Variants in ITSN1 observed in about 807,000 individuals in gnomAD.
ITSN1 encodes the protein intersectin-1.
Under a neutral mutation model 239.8 loss-of-function variants are expected in ITSN1, and 58 were observed. That is an observed-to-expected ratio of 0.24 (90% CI 0.20 to 0.30). ITSN1 has a LOEUF of 0.30. Ranked by LOEUF, ITSN1 falls within the 10% of genes least tolerant of loss-of-function variation. The pLI is 1.00. For synonymous variants in ITSN1, 780 were observed against 770.8 expected (o/e 1.01, Z -0.20); for missense variants, 1,558 against 2,103.3 (o/e 0.74, Z 5.07).
At chr21:33,844,988 G>C (rs892380566) in intron 29 of ITSN1, among the ~76,000 whole-genome samples, 1 of 151,996 alleles carries the variant, frequency 6.6e-6, no homozygotes, top group African/African-American at 2.4e-5. Context: ...AGCCCAGGAG[G>C]GACCCAGTCT....
chr21:33,706,866 G>C (rs2092267800), intron 1 of ITSN1, among the ~76,000 whole-genome samples: 1 of 152,066 alleles, frequency 6.6e-6, no homozygotes, highest in Non-Finnish European at 1.5e-5. Context: ...AAGGTTACAG[G>C]CGTGCGCTAT....
At chr21:33,778,966 ACT>A (rs1416867505) in intron 14 of ITSN1, among the ~76,000 whole-genome samples, 2 of 150,918 alleles carry the variant, frequency 1.3e-5, no homozygotes, top group African/African-American at 4.9e-5. Context: ...GTGTCCTCTC[ACT>A]CTGTCTCCGT....
chr21:33,746,083 C>G (rs933945712), intron 5 of ITSN1, among the ~76,000 whole-genome samples: 1 of 152,080 alleles, frequency 6.6e-6, no homozygotes, highest in Non-Finnish European at 1.5e-5. Flanking sequence ...AGGTGCAATC[C>G]GTAAAAAGCC....
chr21:33,847,500 G>T (rs1480824178), intron 29 of ITSN1, among the ~76,000 whole-genome samples: 2 of 152,230 alleles, frequency 1.3e-5, no homozygotes, highest in Non-Finnish European at 2.9e-5. Context: ...TCTTGATAGG[G>T]AAGGTCACCG....
intron 1 of ITSN1, among the ~76,000 whole-genome samples, chr21:33,717,133 A>T (rs1416593180): frequency 1.3e-5 from 2 of 151,514 alleles, no homozygotes; most frequent in Admixed American, 6.6e-5. Flanking sequence ...CAAGAGACTC[A>T]TTTTTTTTAA....
At chr21:33,832,520 C>T (rs968736030) in intron 27 of ITSN1, among the ~76,000 whole-genome samples, 1 of 152,168 alleles carries the variant, frequency 6.6e-6, no homozygotes, top group Non-Finnish European at 1.5e-5. Flanking sequence ...CCCAGGAGAG[C>T]TCCTGGCGCT....
chr21:33,859,663 A>C (rs1289451663), intron 31 of ITSN1, among the ~76,000 whole-genome samples: 1 of 152,110 alleles, frequency 6.6e-6, no homozygotes, highest in African/African-American at 2.4e-5. Context: ...CCCATTTCCT[A>C]AATGTGGTCT....
At chr21:33,849,947 C>T (rs1311899290) in intron 29 of ITSN1, among the ~76,000 whole-genome samples, 1 of 152,098 alleles carries the variant, frequency 6.6e-6, no homozygotes, top group Non-Finnish European at 1.5e-5. Flanking sequence ...GGAGAGGGCA[C>T]AGTGAGAGCA....
intron 34 of ITSN1, among the ~76,000 whole-genome samples, chr21:33,876,183 T>G (rs570508700): frequency 7.0e-6 from 1 of 142,622 alleles, no homozygotes; most frequent in East Asian, 2.1e-4. Context: ...CTTTCCTTCC[T>G]TCCTTCTCTC....
intron 1 of ITSN1, among the ~76,000 whole-genome samples, chr21:33,682,886 T>C (rs765628708): frequency 2.6e-5 from 4 of 152,210 alleles, no homozygotes; most frequent in African/African-American, 7.2e-5. Context: ...TTTGTACTTT[T>C]AGTAGTATCT....
chr21:33,686,269 G>A lies in ITSN1; in HGVS notation c.-32-32528G>A, dbSNP rs975979689. On this transcript the variant is annotated intron_variant, in intron 1 of 39. Coordinates refer to ENST00000381318, the MANE Select transcript of ITSN1 (RefSeq NM_003024.3). ...TTTTTTAATTTCCAAATGTATTTAA[G>A]CTTCTTTACAGATAGGTGCCATATC... Among the ~76,000 whole-genome samples, 4 of 151,800 alleles carry A rather than the reference G, an allele frequency of 2.6e-5. No individual in the cohort carries two copies. The East Asian group carries it at 7.7e-4, about 29-fold the overall frequency.
rs1241234097 is a variant in ITSN1, at chr21:33,882,840, A to G, written c.4554+385A>G. Among the ~76,000 whole-genome samples the G allele has an allele frequency of 1.3e-5, 2 of 152,140 alleles. No homozygotes were observed. Among genetic ancestry groups the G allele is most frequent in the Non-Finnish European group, 1.5e-5 (1 of 68,026 alleles). On this transcript the variant is annotated intron_variant, in intron 35 of 39. Transcript: ENST00000381318. The surrounding 1 kb of genome is among the most constrained non-coding windows in gnomAD (Gnocchi z 4.5). ...CAAACAGTCCTAAGTCCCCTGCCAG[A>G]CTTCTCCAGGTAGCTTGAAACATCC... is the stretch of plus-strand genomic sequence containing the variant.
chr21:33,721,226 A>T lies in ITSN1; in HGVS notation c.77A>T (p.Asp26Val). Residue 26 changes from aspartate (D) to valine (V), a missense_variant, in exon 3 of 40, where the codon GAT becomes GTT. Asp to Val is a radical substitution (Grantham distance 152). Around this residue, in one of 2 missense-constraint regions of ITSN1, gnomAD observed 982 missense variants for 1,209.9 expected, o/e 0.81. Transcript: ENST00000381318. The stretch of plus-strand genomic sequence containing the variant: ...ACTGTAGAGGAAAGAGCGAAGCATG[A>T]TCAGCAGTTCCATAGTTTAAAGCCA... ...AITVEERAKH[D>V]QQFHSLKPIS... 6.2e-7 allele frequency: 1 copy of T among 1,613,664 alleles called. No individual in the cohort carries two copies. Among genetic ancestry groups the T allele is most frequent in the South Asian group, 1.1e-5 (1 of 91,070 alleles).
intron 33 of ITSN1, among the ~76,000 whole-genome samples, chr21:33,870,558 G>T (rs1235591211): frequency 6.6e-6 from 1 of 152,186 alleles, no homozygotes; most frequent in African/African-American, 2.4e-5. Flanking sequence ...CTGATGTGGA[G>T]AAATTCTTAG....
At position 33,797,485 on chromosome 21, in the gene ITSN1, A is replaced by G. The variant is rs762540696; in HGVS notation, c.2059A>G (p.Ser687Gly). ...HEEEKLKREE[S>G]VKKKDGEEKG... Reference sequence around the variant, plus strand: ...AGAGGAAAAACTGAAAAGGGAGGAGAGTGTCAAAAAGAAGGATGGCGAGGA... The same window carrying G: ...AGAGGAAAAACTGAAAAGGGAGGAGGGTGTCAAAAAGAAGGATGGCGAGGA... Residue 687 changes from serine (S) to glycine (G), a missense_variant, in exon 18 of 40, where the codon AGT (serine) becomes GGT (glycine). Transcript: ENST00000381318. The surrounding 1 kb of genome is among the most constrained non-coding windows in gnomAD (Gnocchi z 4.9). The G allele has an allele frequency of 2.5e-6, 4 of 1,614,140 alleles. No homozygotes were observed. Among genetic ancestry groups the G allele is most frequent in the Non-Finnish European group, 3.4e-6 (4 of 1,180,038 alleles).
intron 1 of ITSN1, among the ~76,000 whole-genome samples, chr21:33,711,761 T>C (rs2092425229): frequency 6.6e-6 from 1 of 152,042 alleles, no homozygotes; most frequent in Non-Finnish European, 1.5e-5. Flanking sequence ...TAATATTTTA[T>C]CACTTCACAT....
chr21:33,759,786 TA>T (rs1481278661), intron 8 of ITSN1, among the ~76,000 whole-genome samples: 1 of 152,162 alleles, frequency 6.6e-6, no homozygotes, highest in Non-Finnish European at 1.5e-5. Flanking sequence ...AATTGAAGAC[TA>T]ACTGAATGCC....
intron 34 of ITSN1, among the ~76,000 whole-genome samples, chr21:33,876,118 T>TTTCC (rs1983749257): frequency 6.2e-5 from 1 of 16,122 alleles, no homozygotes; most frequent in South Asian, 3.1e-3. Flanking sequence ...TCTTTCTTTC[T>TTTCC]TTCTTTCTTT....
intron 29 of ITSN1, among the ~76,000 whole-genome samples, chr21:33,843,458 C>T (rs1260254730): frequency 2.0e-5 from 3 of 152,202 alleles, no homozygotes; most frequent in African/African-American, 7.2e-5. Flanking sequence ...TTGCCAGGCG[C>T]TCAGGCTTAC....
Sources: gnomAD v4.1 joint callset for allele counts (sites outside exome capture counted in the v4.1 genomes callset) on GRCh38, gnomAD v4.1.1 for gene constraint, gnomAD v4.1.1 regional missense constraint, Gnocchi (gnomAD v3.1) non-coding constraint, MANE v1.5 for transcripts, NCBI Gene and HGNC (gene_info 2026-07-23, HGNC 2026-07-21) for gene names.